The following C10orf71 variants were observed in gnomAD, a reference collection of about 807,000 sequenced individuals.
C10orf71 encodes cardiac-enriched FHL2-interacting protein.
For missense variants in C10orf71, 1,869 were observed against 1,804.5 expected, an observed-to-expected ratio of 1.04 and a Z score of -0.65; for synonymous variants, 758 against 726.3, an observed-to-expected ratio of 1.04 and a Z score of -0.70.
chr10:49,297,829 G>C (rs909546885), upstream of C10orf71, among the ~76,000 whole-genome samples: 1 of 152,226 alleles, frequency 6.6e-6, no homozygotes, highest in African/African-American at 2.4e-5. Context: ...CAAATGGGGA[G>C]GTAGGGAGGT....
rs185459692 is a variant in C10orf71 at position 49,305,533 on chromosome 10, A to G, written c.-248+6300A>G. Among the ~76,000 whole-genome samples, 182 of 152,348 alleles carry G rather than the reference A, an allele frequency of 1.2e-3. 1 individual carries two copies. Among genetic ancestry groups the G allele is most frequent in the Non-Finnish European group, 1.7e-3 (118 of 68,032 alleles). ...GGTGCTCATTACCCACTCAGTGGAT[A>G]AGAGAAATTTCTCTCACCTACTCAT... On this transcript the variant is annotated intron_variant, in intron 1 of 2. Transcript: ENST00000374144.
chr10:49,325,306 AAC>A lies in C10orf71; in HGVS notation c.2766_2767del (p.Arg923GlyfsTer87). The A allele has an allele frequency of 1.3e-6, 2 of 1,551,724 alleles. No homozygotes were observed. Among genetic ancestry groups the A allele is most frequent in the Non-Finnish European group, 8.7e-7 (1 of 1,146,994 alleles). ...QDILGTSTPT[N>X]TRGTRVKCMA... ...CATTCTTGGTACATCGACACCCACT[AAC>A]ACACGGGGCACACGTGTGAAGTGCA... On this transcript the variant is annotated frameshift_variant, in exon 3 of 3. Transcript: ENST00000374144. LOFTEE classifies it low-confidence loss of function (END_TRUNC).
intron 1 of C10orf71, among the ~76,000 whole-genome samples, chr10:49,309,900 GC>G (rs1299753415): frequency 2.0e-5 from 3 of 152,208 alleles, no homozygotes; most frequent in African/African-American, 7.2e-5. Flanking sequence ...GCCAACCCCT[GC>G]CATCTCCACT....
Position 49,326,924 on chromosome 10 carries a change from AACACACACACAC to A in C10orf71, c.*98_*109del. Reference sequence around the variant, plus strand: ...TACTTCCCCCTCCCCCAAAACAAGCAACACACACACACACACACACACACACACACACACACA... The same window carrying A: ...TACTTCCCCCTCCCCCAAAACAAGCAACACACACACACACACACACACACA... On this transcript the variant is annotated 3_prime_UTR_variant, in exon 3 of 3. Transcript: ENST00000374144. 293 of 1,046,600 alleles carry A rather than the reference AACACACACACAC, an allele frequency of 2.8e-4. No homozygotes were observed. The highest frequency in any genetic ancestry group is 6.1e-4 in the African/African-American group (27 of 44,448). 64.8% of individuals were successfully genotyped at this position (1,046,600 alleles called of 1,614,324 possible).
At chr10:49,303,915 C>T (rs1848769887) in intron 1 of C10orf71, among the ~76,000 whole-genome samples, 1 of 152,182 alleles carries the variant, frequency 6.6e-6, no homozygotes, top group Non-Finnish European at 1.5e-5. Context: ...GGACAGCAGT[C>T]ATCTACCAGC....
Position 49,327,012 on chromosome 10 carries a change from A to C in C10orf71, c.*159A>C, listed in dbSNP as rs768141376. ...TTTAGATCCATAAAGTCCAGAAGGC[A>C]GTAGGGATCCCAAGACGACCTCACC... On this transcript the variant is annotated 3_prime_UTR_variant, in exon 3 of 3. Coordinates refer to ENST00000374144, the MANE Select transcript of C10orf71 (RefSeq NM_001135196.2). 21 of 1,594,310 alleles carry C rather than the reference A, an allele frequency of 1.3e-5. No homozygotes were observed. The South Asian group carries it at 2.4e-4, about 18-fold the overall frequency.
At chr10:49,304,648 C>T (rs912379206) in intron 1 of C10orf71, among the ~76,000 whole-genome samples, 2 of 152,228 alleles carry the variant, frequency 1.3e-5, no homozygotes, top group African/African-American at 4.8e-5. Context: ...CTCAGGAGTC[C>T]TGCCTGAACC....
At chr10:49,305,671 A>G (rs1848799881) in intron 1 of C10orf71, among the ~76,000 whole-genome samples, 1 of 152,178 alleles carries the variant, frequency 6.6e-6, no homozygotes, top group Admixed American at 6.5e-5. Context: ...ACCTGCCACC[A>G]GCGGGTGGGG....
Position 49,327,133 on chromosome 10 carries a change from T to C in C10orf71, c.*280T>C. On this transcript the variant is annotated 3_prime_UTR_variant, in exon 3 of 3. Transcript: ENST00000374144. ...CCCAGGCGCACTCTACTCCAGCCCT[T>C]CTCCCTCCCTCCCTTCCTCCCTCTC... 1 of 1,026,902 alleles carries C rather than the reference T, an allele frequency of 9.7e-7. No individual in the cohort carries two copies. The allele number at this position is 1,026,902 out of a possible 1,614,324, so 63.6% of individuals were successfully genotyped here. A position where few individuals can be genotyped will look rare whatever the true frequency, so the allele number is the denominator to read the frequency against.
In C10orf71 at chr10:49,325,342, G is replaced by C; in HGVS notation, c.2797G>C (p.Glu933Gln). ...CACACGTGTGAAGTGCATGGCCAAC[G>C]AGGTCATGGAGGACCCTGGGCAGGG... ...RGTRVKCMAN[E>Q]VMEDPGQGSS... is the part of the protein sequence containing the mutation. Residue 933 changes from glutamate (E) to glutamine (Q), a missense_variant, in exon 3 of 3, where the codon GAG becomes CAG. Physicochemically the swap from Glu to Gln is conservative, Grantham distance 29. Coordinates refer to ENST00000374144, the MANE Select transcript of C10orf71 (RefSeq NM_001135196.2). 3.2e-6 allele frequency: 5 copies of C among 1,551,694 alleles called. No individual in the cohort carries two copies. The highest frequency in any genetic ancestry group is 4.4e-6 in the Non-Finnish European group (5 of 1,146,990).
chr10:49,322,984 A>C lies in C10orf71; in HGVS notation c.439A>C (p.Ile147Leu). 4.3e-6 allele frequency: 7 copies of C among 1,613,998 alleles called. No homozygotes were observed. Among genetic ancestry groups the C allele is most frequent in the Non-Finnish European group, 5.9e-6 (7 of 1,179,892 alleles). The change falls in exon 3 of 3, where the codon ATT (isoleucine) becomes CTT (leucine). Residue 147 changes from isoleucine (I) to leucine (L), a missense_variant. Physicochemically the swap from Ile to Leu is conservative, Grantham distance 5. Coordinates refer to ENST00000374144, the MANE Select transcript of C10orf71 (RefSeq NM_001135196.2). ...NKPVSKVSTL[I>L]KSFDRTESQR... The stretch of plus-strand genomic sequence containing the variant: ...GCCTGTCTCCAAAGTATCAACACTA[A>C]TTAAATCTTTCGACAGGACCGAGAG...
intron 1 of C10orf71, among the ~76,000 whole-genome samples, chr10:49,304,163 G>A (rs1403194215): frequency 6.6e-6 from 1 of 152,212 alleles, no homozygotes; most frequent in Non-Finnish European, 1.5e-5. Context: ...GATGCAGAGA[G>A]AGATAACTGA....
intron 1 of C10orf71, among the ~76,000 whole-genome samples, chr10:49,303,140 G>A (rs10857464): frequency 0.55 from 83,515 of 151,988 alleles, 23,306 homozygotes; most frequent in East Asian, 0.79. Flanking sequence ...AGAAAGTCCT[G>A]TGCCTCAGAG....
At position 49,327,183 on chromosome 10, in the gene C10orf71, C is replaced by A. The variant is rs561042864; in HGVS notation, c.*330C>A. ...CCTGGCCCACCCTGCTCTTCCCTCGCCCTGCAAATTAGGTGGGTGTGGCAA... is the reference window on the plus strand; with the variant it reads ...CCTGGCCCACCCTGCTCTTCCCTCGACCTGCAAATTAGGTGGGTGTGGCAA... On this transcript the variant is annotated 3_prime_UTR_variant, in exon 3 of 3. Coordinates refer to ENST00000374144, the MANE Select transcript of C10orf71 (RefSeq NM_001135196.2). The A allele has an allele frequency of 3.1e-6, 2 of 647,784 alleles. No individual in the cohort carries two copies. The highest frequency in any genetic ancestry group is 4.7e-6 in the Non-Finnish European group (2 of 425,718). 40.1% of individuals were successfully genotyped at this position (647,784 alleles called of 1,614,324 possible).
chr10:49,319,715 T>TAC (rs1849060933), intron 2 of C10orf71, among the ~76,000 whole-genome samples: 1 of 29,034 alleles, frequency 3.4e-5, no homozygotes, highest in East Asian at 6.0e-4. Context: ...TATATATATA[T>TAC]ATATATATAT....
In C10orf71 at chr10:49,325,915, G is replaced by C. The variant is rs1334054548; in HGVS notation, c.3370G>C (p.Asp1124His). Residue 1124 changes from aspartate to histidine, a missense_variant, in exon 3 of 3, where the codon GAC (aspartate) becomes CAC (histidine). Coordinates refer to ENST00000374144, the MANE Select transcript of C10orf71 (RefSeq NM_001135196.2). ...CGCCCTCGTGTGGGAGGGCGGCTCT[G>C]ACCCCCTACTTGAGCTGTCGGCAGA... ...THALVWEGGS[D>H]PLLELSAEDL... is the part of the protein sequence containing the mutation. The C allele has an allele frequency of 1.3e-6, 2 of 1,550,834 alleles. No homozygotes were observed. Among genetic ancestry groups the C allele is most frequent in the East Asian group, 2.4e-5 (1 of 40,872 alleles).
chr10:49,299,973 C>G (rs1848697616), intron 1 of C10orf71, among the ~76,000 whole-genome samples: 1 of 152,226 alleles, frequency 6.6e-6, no homozygotes, highest in Non-Finnish European at 1.5e-5. Context: ...CTTACACACC[C>G]TGGGAGGGCC....
chr10:49,319,404 G>C (rs1849052923), intron 2 of C10orf71, among the ~76,000 whole-genome samples: 1 of 151,608 alleles, frequency 6.6e-6, no homozygotes. Context: ...TGGAACACTT[G>C]CACAATCTTG....
rs763084229 is a variant in C10orf71 at position 49,325,456 on chromosome 10, A to T, written c.2911A>T (p.Lys971Ter). The T allele has an allele frequency of 6.5e-7, 1 of 1,550,302 alleles. No homozygotes were observed. Among genetic ancestry groups the T allele is most frequent in the South Asian group, 1.2e-5 (1 of 83,960 alleles). ...TCTGGTGGGAGAGGGGGACCGGGTG[A>T]AGGCACCACCAGATGCTGCACCTGG... ...MPLVGEGDRV[K>*]APPDAAPGLV... Residue 971 changes from lysine (K) to a stop codon, truncating the protein, a stop_gained, in exon 3 of 3, where the codon AAG (lysine) becomes TAG (stop). Transcript: ENST00000374144. LOFTEE classifies it low-confidence loss of function (END_TRUNC).
Sources: allele counts gnomAD v4.1 joint callset (sites outside exome capture counted in the v4.1 genomes callset), GRCh38; gene constraint gnomAD v4.1.1; transcripts MANE v1.5; gene names NCBI Gene and HGNC (gene_info 2026-07-23, HGNC 2026-07-21).